The following SLC10A7 variants were observed in gnomAD, a reference collection of about 807,000 sequenced individuals.
The protein encoded by SLC10A7 is sodium/bile acid cotransporter 7.
In SLC10A7, 29 loss-of-function variants were observed where a neutral mutation model predicts 43.2. That is an observed-to-expected ratio of 0.67 (90% CI 0.50 to 0.92). SLC10A7 has a LOEUF of 0.92. Ranked by LOEUF, SLC10A7 falls within the 40% of genes least tolerant of loss-of-function variation. The pLI is 0.00. For missense variants in SLC10A7, 295 were observed against 403.2 expected (o/e 0.73, Z 2.30); for synonymous variants, 152 against 144.8 (o/e 1.05, Z -0.35).
intron 10 of SLC10A7, among the ~76,000 whole-genome samples, chr4:146,273,387 T>G (rs1229261853): frequency 1.3e-5 from 2 of 152,138 alleles, no homozygotes; most frequent in Admixed American, 1.3e-4. Context: ...ACGTGGGCTT[T>G]GAAATTAGAG....
intron 5 of SLC10A7, among the ~76,000 whole-genome samples, chr4:146,381,396 C>T (rs1489550851): frequency 6.6e-6 from 1 of 152,132 alleles, no homozygotes; most frequent in Non-Finnish European, 1.5e-5. Context: ...TTGCCATGCA[C>T]AGCATCAGGA....
intron 5 of SLC10A7, 136 bp from the exon 6 acceptor site, chr4:146,326,132 G>A: frequency 1.5e-6 from 1 of 675,630 alleles, no homozygotes; most frequent in Non-Finnish European, 2.5e-6. Flanking sequence ...ATAAAGAGGG[G>A]AGAGTCCCAA....
intron 6 of SLC10A7, among the ~76,000 whole-genome samples, chr4:146,316,241 T>A (rs1732314269): frequency 6.6e-6 from 1 of 152,070 alleles, no homozygotes; most frequent in Admixed American, 6.6e-5. Context: ...ATGAGAGATA[T>A]GCTATCAAGA....
intron 5 of SLC10A7, among the ~76,000 whole-genome samples, chr4:146,375,916 C>A (rs1377608087): frequency 6.6e-6 from 1 of 152,178 alleles, no homozygotes; most frequent in Non-Finnish European, 1.5e-5. Flanking sequence ...CAAGTCCTAG[C>A]TTGTGACCTA....
chr4:146,373,732 T>G (rs1441705312), intron 5 of SLC10A7, among the ~76,000 whole-genome samples: 1 of 152,190 alleles, frequency 6.6e-6, no homozygotes, highest in African/African-American at 2.4e-5. Flanking sequence ...CAAACTTTCA[T>G]CCACCAGAAT....
At chr4:146,460,330 C>G (rs961259386) in intron 4 of SLC10A7, among the ~76,000 whole-genome samples, 1 of 151,948 alleles carries the variant, frequency 6.6e-6, no homozygotes. Context: ...CATCCCACCA[C>G]TAGGTATTTA....
At chr4:146,304,747 C>T (rs1731425244) in intron 7 of SLC10A7, among the ~76,000 whole-genome samples, 1 of 152,058 alleles carries the variant, frequency 6.6e-6, no homozygotes, top group South Asian at 2.1e-4. Flanking sequence ...GTGGAGAGTT[C>T]TGTAGATGTC....
Position 146,323,783 on chromosome 4 carries a change from C to T in SLC10A7, c.471+2178G>A, listed in dbSNP as rs1210606395. Among the ~76,000 whole-genome samples, 5 of 152,266 alleles carry T rather than the reference C, an allele frequency of 3.3e-5. No individual in the cohort carries two copies. In the East Asian group the frequency reaches 7.7e-4, roughly 24 times the overall value. On this transcript the variant is annotated intron_variant, in intron 6 of 11. Transcript: ENST00000335472. ...GGCACAAGACAGGGATGCCCTCTCTCACCACTCCTATTCAACATAGTGTTG... is the reference window on the plus strand; with the variant it reads ...GGCACAAGACAGGGATGCCCTCTCTTACCACTCCTATTCAACATAGTGTTG...
At chr4:146,300,725 T>C (rs537364765) in intron 7 of SLC10A7, among the ~76,000 whole-genome samples, 58 of 152,344 alleles carry the variant, frequency 3.8e-4, no homozygotes, top group African/African-American at 1.2e-3. Flanking sequence ...TTCTTTAACA[T>C]AAAATTTTGA....
At chr4:146,458,243 T>C (rs1732250803) in intron 4 of SLC10A7, among the ~76,000 whole-genome samples, 1 of 151,820 alleles carries the variant, frequency 6.6e-6, no homozygotes, top group African/African-American at 2.4e-5. Context: ...ATCATTTCAA[T>C]AGGTACAGAA....
intron 10 of SLC10A7, among the ~76,000 whole-genome samples, chr4:146,270,355 C>T (rs914598888): frequency 6.6e-6 from 1 of 152,186 alleles, no homozygotes; most frequent in Admixed American, 6.5e-5. Flanking sequence ...ACAACTAATT[C>T]TGGTGTTCAG....
intron 5 of SLC10A7, among the ~76,000 whole-genome samples, chr4:146,347,438 AAAAATTTT>A (rs1346341524): frequency 6.6e-6 from 1 of 152,194 alleles, no homozygotes; most frequent in Non-Finnish European, 1.5e-5. Flanking sequence ...TTTGTTTTTT[AAAAATTTT>A]ACTAGTAACC....
intron 4 of SLC10A7, among the ~76,000 whole-genome samples, chr4:146,492,793 C>T (rs748516691): frequency 2.0e-5 from 3 of 152,038 alleles, no homozygotes; most frequent in Non-Finnish European, 4.4e-5. Flanking sequence ...CACCAAGAAG[C>T]AAACAGTTTA....
At chr4:146,344,272 G>A (rs941760097) in intron 5 of SLC10A7, among the ~76,000 whole-genome samples, 2 of 151,980 alleles carry the variant, frequency 1.3e-5, no homozygotes, top group South Asian at 2.1e-4. Context: ...AAAATATCAC[G>A]TTTCAAGAAT....
chr4:146,359,485 C>T (rs1735894533), intron 5 of SLC10A7, among the ~76,000 whole-genome samples: 2 of 151,694 alleles, frequency 1.3e-5, no homozygotes, highest in Admixed American at 1.3e-4. Context: ...TTTTTATTAC[C>T]TGAAAATGAC....
At chr4:146,385,126 G>A (rs1477293964) in intron 5 of SLC10A7, among the ~76,000 whole-genome samples, 8 of 151,928 alleles carry the variant, frequency 5.3e-5, no homozygotes, top group Non-Finnish European at 1.2e-4. Context: ...CAGTTGCCAA[G>A]TCTAGTTGAT....
intron 5 of SLC10A7, among the ~76,000 whole-genome samples, chr4:146,405,733 A>G (rs1727629340): frequency 6.6e-6 from 1 of 152,152 alleles, no homozygotes; most frequent in African/African-American, 2.4e-5. Context: ...GGATATTCAA[A>G]TTCTGGAAGG....
intron 5 of SLC10A7, among the ~76,000 whole-genome samples, chr4:146,386,373 G>GAA (rs1579055609): frequency 6.6e-6 from 1 of 152,106 alleles, no homozygotes; most frequent in East Asian, 1.9e-4. Flanking sequence ...TAAACGTACA[G>GAA]AAAAGTTGCT....
rs376430235 is a variant in SLC10A7 at position 146,305,650 on chromosome 4, G to T, written c.555+276C>A. 2.1e-4 allele frequency among the ~76,000 whole-genome samples: 32 copies of T among 151,816 alleles called. 1 individual carries two copies. The South Asian group carries it at 6.5e-3, about 31-fold the overall frequency. ...GGTAGCTACACAGCTACAAAGAGGAGATAATAAATTAAACAAAAATCAAGA... is the reference window on the plus strand; with the variant it reads ...GGTAGCTACACAGCTACAAAGAGGATATAATAAATTAAACAAAAATCAAGA... On this transcript the variant is annotated intron_variant, in intron 7 of 11. Transcript: ENST00000335472.
Sources: allele counts gnomAD v4.1 joint callset (sites outside exome capture counted in the v4.1 genomes callset), GRCh38; gene constraint gnomAD v4.1.1; transcripts MANE v1.5; gene names NCBI Gene and HGNC (gene_info 2026-07-23, HGNC 2026-07-21).